GALNT18: variants seen among roughly 807,000 people sequenced by gnomAD.
The protein encoded by GALNT18 is GalNAc-transferase 18.
Under a neutral mutation model 69.5 loss-of-function variants are expected in GALNT18, and 44 were observed. That is an observed-to-expected ratio of 0.63 (90% CI 0.50 to 0.81). The LOEUF (loss-of-function observed/expected upper bound fraction) is 0.81. GALNT18 is among the 40% of genes least tolerant of loss of function. The pLI, the probability that GALNT18 is intolerant of heterozygous loss-of-function variation, is 0.00. For synonymous variants in GALNT18, 364 were observed against 318.2 expected, an observed-to-expected ratio of 1.14 and a Z score of -1.53; for missense variants, 715 against 810.0, an observed-to-expected ratio of 0.88 and a Z score of 1.42.
intron 1 of GALNT18, among the ~76,000 whole-genome samples, chr11:11,570,403 C>T (rs1219547352): frequency 6.6e-6 from 1 of 152,242 alleles, no homozygotes; most frequent in Non-Finnish European, 1.5e-5. Flanking sequence ...CCAGCCCTCA[C>T]ATGATCTAGC....
Position 11,470,133 on chromosome 11 carries a change from T to C in GALNT18, c.236-21197A>G, listed in dbSNP as rs916835761. On this transcript the variant is annotated intron_variant, in intron 1 of 10. Transcript: ENST00000227756. The surrounding 1 kb of genome is among the most constrained non-coding windows in gnomAD (Gnocchi z 4.8). ...GATGGTTTTGAAGCTGTGACCAAGA[T>C]GTTTCCCTGCCTTGAGAAGTCTCAC... Among the ~76,000 whole-genome samples the C allele has an allele frequency of 6.6e-6, 1 of 152,188 alleles. No homozygotes were observed. Among genetic ancestry groups the C allele is most frequent in the African/African-American group, 2.4e-5 (1 of 41,454 alleles).
chr11:11,601,823 A>C lies in GALNT18; in HGVS notation c.235+19536T>G. Among the ~76,000 whole-genome samples, 1 of 152,208 alleles carries C rather than the reference A, an allele frequency of 6.6e-6. No homozygotes were observed. ...GTTTTTTTCTCATCAATGTTATAAC[A>C]AAACAACATTGAAGGAAATGACGTT... On this transcript the variant is annotated intron_variant, in intron 1 of 10. Transcript: ENST00000227756. The surrounding 1 kb of genome is among the most constrained non-coding windows in gnomAD (Gnocchi z 4.0).
Position 11,271,193 on chromosome 11 carries a change from G to A in GALNT18, c.1775C>T (p.Ser592Leu), listed in dbSNP as rs1200605403. 6.2e-6 allele frequency: 10 copies of A among 1,614,050 alleles called. No homozygotes were observed. The highest frequency in any genetic ancestry group is 1.1e-5 in the South Asian group (1 of 91,080). ...GTTGGTGATGCTCCAGTGCTGGCCC[G>A]AGCACTTCTGCAACACCAGCTGGAA... is the stretch of plus-strand genomic sequence containing the variant. ...FGFQLVLQKCSGQHWSITNVL... is the reference protein window; with the variant it reads ...FGFQLVLQKCLGQHWSITNVL... The change falls in exon 11 of 11, where the codon TCG (serine) becomes TTG (leucine). Residue 592 changes from serine to leucine, a missense_variant. Transcript: ENST00000227756.
chr11:11,313,436 C>T (rs1322790837), intron 9 of GALNT18, among the ~76,000 whole-genome samples: 2 of 152,186 alleles, frequency 1.3e-5, no homozygotes, highest in African/African-American at 2.4e-5. Context: ...CCTTTAGATC[C>T]TAAGGAGAAG....
chr11:11,490,485 G>A (rs1856745240), intron 1 of GALNT18, among the ~76,000 whole-genome samples: 1 of 152,160 alleles, frequency 6.6e-6, no homozygotes, highest in African/African-American at 2.4e-5. Flanking sequence ...TATGTAATGT[G>A]TATGCAGTGT....
rs1209644189 is a variant in GALNT18, at chr11:11,617,655, T to C, written c.235+3704A>G. On this transcript the variant is annotated intron_variant, in intron 1 of 10. Transcript: ENST00000227756. This position sits in a 1 kb window ranked among gnomAD's most constrained non-coding sequence, Gnocchi z 4.7. ...GAATTATGGGCAATTTTATGCATTT[T>C]TAAATATTTTCTTAAACATTGGCAC... Among the ~76,000 whole-genome samples the C allele has an allele frequency of 1.3e-5, 2 of 152,212 alleles. No individual in the cohort carries two copies. The highest frequency in any genetic ancestry group is 2.9e-5 in the Non-Finnish European group (2 of 68,038).
At chr11:11,311,715 T>A (rs141407033) in intron 9 of GALNT18, among the ~76,000 whole-genome samples, 2 of 152,142 alleles carry the variant, frequency 1.3e-5, no homozygotes, top group Non-Finnish European at 2.9e-5. Flanking sequence ...GGAGGGCACA[T>A]CTCTCAAGCT....
intron 1 of GALNT18, among the ~76,000 whole-genome samples, chr11:11,580,654 A>T (rs1360890392): frequency 6.6e-6 from 1 of 152,268 alleles, no homozygotes; most frequent in Non-Finnish European, 1.5e-5. Context: ...CAATCTGAAC[A>T]GATGTTGGTC....
In GALNT18 at chr11:11,516,594, G is replaced by C. The variant is rs3935392; in HGVS notation, c.236-67658C>G. Among the ~76,000 whole-genome samples the C allele has an allele frequency of 2.1e-3, 313 of 152,262 alleles. 2 individuals carry two copies. Among genetic ancestry groups the C allele is most frequent in the South Asian group, 0.011 (52 of 4,814 alleles). Reference sequence around the variant, plus strand: ...TGCAGTGAGCCCAGATGACACCATTGAACTCTAGTCTGGGCAACACAGTGA... The same window carrying C: ...TGCAGTGAGCCCAGATGACACCATTCAACTCTAGTCTGGGCAACACAGTGA... On this transcript the variant is annotated intron_variant, in intron 1 of 10. Coordinates refer to ENST00000227756, the MANE Select transcript of GALNT18 (RefSeq NM_198516.3).
At chr11:11,493,218 G>A (rs1013071215) in intron 1 of GALNT18, among the ~76,000 whole-genome samples, 8 of 138,468 alleles carry the variant, frequency 5.8e-5, no homozygotes, top group Admixed American at 4.0e-4. Flanking sequence ...CCAAGATCGC[G>A]CCACTGCACT....
intron 3 of GALNT18, among the ~76,000 whole-genome samples, chr11:11,403,480 TCTTCC>T (rs1854512275): frequency 6.6e-6 from 1 of 152,226 alleles, no homozygotes; most frequent in South Asian, 2.1e-4. Context: ...GCATCCCAAG[TCTTCC>T]CTTCTGGAAA....
At chr11:11,438,180 T>A (rs1459130327) in intron 2 of GALNT18, among the ~76,000 whole-genome samples, 1 of 152,242 alleles carries the variant, frequency 6.6e-6, no homozygotes, top group African/African-American at 2.4e-5. Flanking sequence ...CCTCTGGCCT[T>A]ACTCAGATAC....
rs2054840 is a variant in GALNT18 at position 11,461,316 on chromosome 11, A to T, written c.236-12380T>A. ...CAGCATGTGCACACACACTCACAGA[A>T]GTGGAAATAGCCTTGATTAGAAATT... On this transcript the variant is annotated intron_variant, in intron 1 of 10. Coordinates refer to ENST00000227756, the MANE Select transcript of GALNT18 (RefSeq NM_198516.3). The surrounding 1 kb of genome is among the most constrained non-coding windows in gnomAD (Gnocchi z 4.1). Among the ~76,000 whole-genome samples the T allele has an allele frequency of 6.6e-6, 1 of 152,056 alleles. No homozygotes were observed. The highest frequency in any genetic ancestry group is 1.5e-5 in the Non-Finnish European group (1 of 67,994).
chr11:11,496,624 G>C lies in GALNT18; in HGVS notation c.236-47688C>G, dbSNP rs990501681. On this transcript the variant is annotated intron_variant, in intron 1 of 10. Coordinates refer to ENST00000227756, the MANE Select transcript of GALNT18 (RefSeq NM_198516.3). This position sits in a 1 kb window ranked among gnomAD's most constrained non-coding sequence, Gnocchi z 4.0. ...GTAGATGAAGGGCTACCACACAGAG[G>C]GTGGGAAGAAGGAAAGACTGCACCA... Among the ~76,000 whole-genome samples the C allele has an allele frequency of 1.3e-5, 2 of 151,998 alleles. No homozygotes were observed. Among genetic ancestry groups the C allele is most frequent in the African/African-American group, 4.8e-5 (2 of 41,400 alleles).
intron 3 of GALNT18, among the ~76,000 whole-genome samples, chr11:11,406,247 C>T (rs1215469679): frequency 6.6e-6 from 1 of 152,214 alleles, no homozygotes; most frequent in Non-Finnish European, 1.5e-5. Flanking sequence ...GCTGCCAGGG[C>T]TGTTGTAGAC....
chr11:11,285,231 G>A (rs1849171334), intron 10 of GALNT18, among the ~76,000 whole-genome samples: 1 of 152,116 alleles, frequency 6.6e-6, no homozygotes, highest in Admixed American at 6.5e-5. Flanking sequence ...TGGTATGGTG[G>A]TTTAAAGCAT....
chr11:11,422,052 T>G lies in GALNT18; in HGVS notation c.595+10569A>C, dbSNP rs557729424. On this transcript the variant is annotated intron_variant, in intron 3 of 10. Transcript: ENST00000227756. ...ATCATCTATATCTATATCATCTATA[T>G]CTATATCTATATCTATGAGAGAAAC... Among the ~76,000 whole-genome samples, 6 of 152,266 alleles carry G rather than the reference T, an allele frequency of 3.9e-5. No homozygotes were observed. The East Asian group carries it at 9.7e-4, about 24-fold the overall frequency.
At chr11:11,371,151 C>T (rs7935966) in intron 6 of GALNT18, among the ~76,000 whole-genome samples, 27,673 of 152,156 alleles carry the variant, frequency 0.18, 3,070 homozygotes, top group African/African-American at 0.3. Context: ...AGACAGACTG[C>T]TCATGTCGCC....
chr11:11,551,311 A>G (rs1331813522), intron 1 of GALNT18, among the ~76,000 whole-genome samples: 1 of 152,096 alleles, frequency 6.6e-6, no homozygotes, highest in African/African-American at 2.4e-5. Flanking sequence ...GTCATAGAAC[A>G]AGGTGTTCTT....
Sources: gnomAD v4.1 joint callset for allele counts (sites outside exome capture counted in the v4.1 genomes callset) on GRCh38, gnomAD v4.1.1 for gene constraint, Gnocchi (gnomAD v3.1) non-coding constraint, MANE v1.5 for transcripts, NCBI Gene and HGNC (gene_info 2026-07-23, HGNC 2026-07-21) for gene names.